Variants in SRPK2 observed in about 807,000 individuals in gnomAD.
SRPK2 encodes SFRS protein kinase 2.
A neutral mutation model predicts 90.8 loss-of-function variants in SRPK2; 21 were observed. The observed-to-expected ratio is 0.23, with a 90% CI of 0.16 to 0.33. SRPK2 has a LOEUF of 0.33. SRPK2 is among the 10% of genes least tolerant of loss of function. The probability of loss-of-function intolerance (pLI) is 1.00; values close to 1 mark genes in which losing one functional copy is unlikely to be tolerated. For missense variants in SRPK2, 620 were observed against 869.0 expected, an observed-to-expected ratio of 0.71 and a Z score of 3.60; for synonymous variants, 288 against 311.1, an observed-to-expected ratio of 0.93 and a Z score of 0.78.
upstream of SRPK2, chr7:105,389,025 C>CCCCAGCGCCGCGCGCCCAGCGCCGCGCG: frequency 1.0e-6 from 1 of 956,942 alleles, no homozygotes; most frequent in Non-Finnish European, 1.2e-6. Context: ...GGGGTCGGGA[C>CCCCAGCGCCGCGCGCCCAGCGCCGCGCG]CCCAGCGCCG....
intron 3 of SRPK2, among the ~76,000 whole-genome samples, chr7:105,179,808 C>T (rs1256541804): frequency 2.2e-5 from 2 of 89,054 alleles, no homozygotes; most frequent in African/African-American, 9.1e-5. Context: ...CTGGGCAACA[C>T]AGTAAGAGTC....
chr7:105,359,506 C>A (rs1293701422), intron 2 of SRPK2, among the ~76,000 whole-genome samples: 2 of 152,092 alleles, frequency 1.3e-5, no homozygotes, highest in Non-Finnish European at 2.9e-5. Flanking sequence ...CCATGCTTAT[C>A]AACTTCACAG....
intron 2 of SRPK2, among the ~76,000 whole-genome samples, chr7:105,266,003 G>T (rs943719650): frequency 2.6e-5 from 4 of 152,010 alleles, no homozygotes; most frequent in African/African-American, 9.7e-5. Context: ...GATCTTAGGA[G>T]TCAGCCATTC....
chr7:105,191,838 T>C (rs938846665), intron 3 of SRPK2, among the ~76,000 whole-genome samples: 1 of 151,014 alleles, frequency 6.6e-6, no homozygotes, highest in Non-Finnish European at 1.5e-5. Context: ...CTTTAAAACC[T>C]ACACTGGTTC....
intron 2 of SRPK2, among the ~76,000 whole-genome samples, chr7:105,285,402 A>AG (rs1807953865): frequency 9.1e-6 from 1 of 109,834 alleles, no homozygotes; most frequent in African/African-American, 3.0e-5. Context: ...AAAAAAAAAA[A>AG]AAAAAGGAAA....
chr7:105,201,018 T>C (rs923405933), intron 3 of SRPK2, among the ~76,000 whole-genome samples: 1 of 152,162 alleles, frequency 6.6e-6, no homozygotes, highest in Non-Finnish European at 1.5e-5. Context: ...GTAGGTAAAA[T>C]GTACTAAAGT....
At chr7:105,127,386 G>A (rs1006130958) in intron 13 of SRPK2, among the ~76,000 whole-genome samples, 8 of 152,196 alleles carry the variant, frequency 5.3e-5, no homozygotes, top group Non-Finnish European at 1.2e-4. Context: ...TAGAACGAGA[G>A]TTCAACCCAG....
chr7:105,147,014 G>A (rs1043393237), intron 7 of SRPK2, among the ~76,000 whole-genome samples: 3 of 152,150 alleles, frequency 2.0e-5, no homozygotes, highest in Non-Finnish European at 4.4e-5. Context: ...CCTACTCAAC[G>A]CGAAGATAAT....
chr7:105,275,675 C>T (rs1465373523), intron 2 of SRPK2, among the ~76,000 whole-genome samples: 1 of 152,132 alleles, frequency 6.6e-6, no homozygotes, highest in Non-Finnish European at 1.5e-5. Context: ...CCCCTGGAAC[C>T]CTGATGAGGA....
At chr7:105,264,610 T>C (rs12668040) in intron 2 of SRPK2, among the ~76,000 whole-genome samples, 20,870 of 152,138 alleles carry the variant, frequency 0.14, 1,858 homozygotes, top group East Asian at 0.26. Flanking sequence ...GGAGTTCTTA[T>C]CTATTGAGCT....
At chr7:105,317,372 C>G (rs986290406) in intron 2 of SRPK2, among the ~76,000 whole-genome samples, 1 of 152,180 alleles carries the variant, frequency 6.6e-6, no homozygotes, top group African/African-American at 2.4e-5. Context: ...GAGTTGACAG[C>G]GTTTTCATAT....
chr7:105,184,317 T>C (rs2129600645), intron 3 of SRPK2, among the ~76,000 whole-genome samples: 1 of 152,252 alleles, frequency 6.6e-6, no homozygotes, highest in Non-Finnish European at 1.5e-5. Flanking sequence ...ACATACATAA[T>C]GCCAGACACA....
intron 2 of SRPK2, among the ~76,000 whole-genome samples, chr7:105,358,945 GAGAA>G (rs1818109796): frequency 6.6e-6 from 1 of 151,684 alleles, no homozygotes; most frequent in Non-Finnish European, 1.5e-5. Flanking sequence ...GAGAGAGAGA[GAGAA>G]AGCAAGAGTG....
intron 15 of SRPK2, among the ~76,000 whole-genome samples, chr7:105,125,237 G>C (rs1170538175): frequency 6.6e-6 from 1 of 152,012 alleles, no homozygotes; most frequent in Admixed American, 6.6e-5. Flanking sequence ...ACTATACTGG[G>C]CAAATAAACA....
At chr7:105,194,265 T>TAA (rs937081607) in intron 3 of SRPK2, among the ~76,000 whole-genome samples, 1 of 151,228 alleles carries the variant, frequency 6.6e-6, no homozygotes, top group East Asian at 1.9e-4. Flanking sequence ...TAAAGGTATC[T>TAA]AAAAAAAAAC....
At chr7:105,151,362 G>T (rs1339761467) in intron 7 of SRPK2, among the ~76,000 whole-genome samples, 1 of 152,136 alleles carries the variant, frequency 6.6e-6, no homozygotes, top group Non-Finnish European at 1.5e-5. Flanking sequence ...TCTCATCTAT[G>T]GGAGGGGGAA....
intron 2 of SRPK2, among the ~76,000 whole-genome samples, chr7:105,352,319 TATAAAA>T (rs1382101449): frequency 3.9e-5 from 6 of 152,166 alleles, no homozygotes; most frequent in Non-Finnish European, 8.8e-5. Flanking sequence ...AAGGGTGTGT[TATAAAA>T]ATGTAACCGC....
chr7:105,196,826 G>A (rs1429046629), intron 3 of SRPK2, among the ~76,000 whole-genome samples: 1 of 152,136 alleles, frequency 6.6e-6, no homozygotes, highest in Non-Finnish European at 1.5e-5. Context: ...GAGACAGGCG[G>A]ATCACTTGAG....
chr7:105,352,844 G>A (rs1169705580), intron 2 of SRPK2, among the ~76,000 whole-genome samples: 1 of 152,080 alleles, frequency 6.6e-6, no homozygotes, highest in Non-Finnish European at 1.5e-5. Flanking sequence ...GAGGTTGCAT[G>A]AGCCAAGATT....
Sources: allele counts gnomAD v4.1 joint callset (sites outside exome capture counted in the v4.1 genomes callset), GRCh38; gene constraint gnomAD v4.1.1; transcripts MANE v1.5; gene names NCBI Gene and HGNC (gene_info 2026-07-23, HGNC 2026-07-21).